Variants in HLCS observed in about 807,000 individuals in gnomAD.
HLCS encodes the protein biotin--protein ligase.
Under a neutral mutation model 75.0 loss-of-function variants are expected in HLCS, and 53 were observed. The ratio of observed to expected loss-of-function variants is 0.71; its 90% CI spans 0.57 to 0.89. The LOEUF (loss-of-function observed/expected upper bound fraction) is 0.89, where lower values mean the gene tolerates loss of function less well. Among genes scored for constraint, HLCS ranks in the 40% least tolerant of loss-of-function variants. The pLI, the probability that HLCS is intolerant of heterozygous loss-of-function variation, is 0.00. For missense variants in HLCS, 966 were observed against 1,074.0 expected (o/e 0.90, Z 1.41); for synonymous variants, 431 against 428.6 (o/e 1.01, Z -0.07).
chr21:36,782,222 TC>T (rs1414364722), intron 6 of HLCS, among the ~76,000 whole-genome samples: 1 of 152,166 alleles, frequency 6.6e-6, no homozygotes, highest in Non-Finnish European at 1.5e-5. Context: ...CCATCCTTTT[TC>T]CACTGAAGTA....
At chr21:36,864,599 G>C (rs1279633159) in intron 6 of HLCS, among the ~76,000 whole-genome samples, 4 of 152,104 alleles carry the variant, frequency 2.6e-5, no homozygotes, top group Non-Finnish European at 4.4e-5. Flanking sequence ...TAAGTGTTAA[G>C]TTTTCATATT....
chr21:36,887,062 A>G (rs1273881720), intron 6 of HLCS, among the ~76,000 whole-genome samples: 2 of 151,900 alleles, frequency 1.3e-5, no homozygotes, highest in African/African-American at 2.4e-5. Flanking sequence ...CCCCGGAGAC[A>G]GAGGTTGCAG....
chr21:36,957,119 A>T (rs2068006539), intron 2 of HLCS, among the ~76,000 whole-genome samples: 1 of 151,606 alleles, frequency 6.6e-6, no homozygotes, highest in Non-Finnish European at 1.5e-5. Flanking sequence ...GTCCCCTCCA[A>T]ATCTCACGTT....
Position 36,937,280 on chromosome 21 carries a change from C to T in HLCS, c.606G>A (p.Gln202=), listed in dbSNP as rs751290857. ...CTCTGCCAACATGCTCCATACCGTC[C>T]TGCTCAGGCTTAATCTCAAGAGAAG... ...PEPSLEIKPE[Q]DGMEHVGRDD... The change falls in exon 4 of 11, where the codon CAG becomes CAA. Residue 202 remains glutamine, a synonymous_variant. Coordinates refer to ENST00000674895, the MANE Select transcript of HLCS (RefSeq NM_001352514.2). 25 of 1,614,108 alleles carry T rather than the reference C, an allele frequency of 1.5e-5. No homozygotes were observed. Among genetic ancestry groups the T allele is most frequent in the Non-Finnish European group, 2.1e-5 (25 of 1,180,006 alleles).
intron 2 of HLCS, among the ~76,000 whole-genome samples, chr21:36,957,878 G>A (rs55769943): frequency 0.019 from 2,863 of 147,896 alleles, 41 homozygotes; most frequent in Non-Finnish European, 0.031. Context: ...GCAGTGAGCC[G>A]AGATCGCGCC....
At chr21:36,889,303 C>A (rs941978819) in intron 6 of HLCS, among the ~76,000 whole-genome samples, 1 of 152,194 alleles carries the variant, frequency 6.6e-6, no homozygotes, top group Non-Finnish European at 1.5e-5. Flanking sequence ...AGGAAATTGG[C>A]GTAAGCAAGT....
intron 9 of HLCS, 89 bp downstream of exon 9, chr21:36,759,638 C>T: frequency 1.3e-6 from 1 of 789,748 alleles, no homozygotes; most frequent in South Asian, 1.4e-5. Context: ...TGATAATCTG[C>T]TCCTGCCAAT....
At chr21:36,775,063 T>C (rs1410123363) in intron 6 of HLCS, among the ~76,000 whole-genome samples, 1 of 152,186 alleles carries the variant, frequency 6.6e-6, no homozygotes, top group Non-Finnish European at 1.5e-5. Flanking sequence ...ATCGGGACTG[T>C]TCAAAGAGCA....
chr21:36,855,077 GT>G (rs1009958094), intron 6 of HLCS, among the ~76,000 whole-genome samples: 28 of 149,148 alleles, frequency 1.9e-4, no homozygotes, highest in East Asian at 1.2e-3. Flanking sequence ...TCATATTCAT[GT>G]TTTTTTTTTG....
chr21:36,936,340 A>G, intron 4 of HLCS, 109 bp downstream of exon 4: 1 of 979,700 alleles, frequency 1.0e-6, no homozygotes, highest in South Asian at 1.3e-5. Context: ...AACAGCCCGC[A>G]GCACACGAAC....
At chr21:36,794,142 G>C (rs2060956526) in intron 6 of HLCS, among the ~76,000 whole-genome samples, 2 of 152,254 alleles carry the variant, frequency 1.3e-5, no homozygotes, top group East Asian at 3.8e-4. Flanking sequence ...TGAGGATACA[G>C]ATGATTCGGC....
At chr21:36,887,172 AT>A (rs750150024) in intron 6 of HLCS, among the ~76,000 whole-genome samples, 22 of 151,576 alleles carry the variant, frequency 1.5e-4, no homozygotes, top group Non-Finnish European at 2.6e-4. Flanking sequence ...CTAGAAGATA[AT>A]TTGACCAAGC....
chr21:36,858,087 C>T (rs1376376540), intron 6 of HLCS, among the ~76,000 whole-genome samples: 2 of 152,078 alleles, frequency 1.3e-5, no homozygotes, highest in Non-Finnish European at 2.9e-5. Context: ...TGCGCCTGGC[C>T]AGGATCTTGT....
intron 6 of HLCS, among the ~76,000 whole-genome samples, chr21:36,818,688 A>G (rs980528825): frequency 1.3e-5 from 2 of 152,350 alleles, no homozygotes; most frequent in South Asian, 4.1e-4. Context: ...AACAGACATG[A>G]AAGAGCACTT....
chr21:36,938,351 C>T (rs953924189), intron 3 of HLCS, among the ~76,000 whole-genome samples: 1 of 152,164 alleles, frequency 6.6e-6, no homozygotes, highest in African/African-American at 2.4e-5. Context: ...AAAATGTACC[C>T]TGCAGCCCCC....
rs552681918 is a variant in HLCS at position 36,750,481 on chromosome 21, C to A, written c.*3765G>T. Among the ~76,000 whole-genome samples the A allele has an allele frequency of 2.0e-4, 30 of 152,282 alleles. No homozygotes were observed. The highest frequency in any genetic ancestry group is 3.8e-4 in the Non-Finnish European group (26 of 68,024). ...GAGCCTGTATTTTCCGCCTCCCTTG[C>A]CCCCACTCCTTTTATCCTTTTAAAA... is the stretch of plus-strand genomic sequence containing the variant. On this transcript the variant is annotated 3_prime_UTR_variant, in exon 11 of 11. Coordinates refer to ENST00000674895, the MANE Select transcript of HLCS (RefSeq NM_001352514.2).
At chr21:36,988,652 G>A (rs530176421) in intron 1 of HLCS, among the ~76,000 whole-genome samples, 2 of 152,262 alleles carry the variant, frequency 1.3e-5, no homozygotes, top group South Asian at 2.1e-4. Context: ...CTAGGAGTTG[G>A]ACCATCTTGC....
chr21:36,894,578 C>T (rs965010088), intron 6 of HLCS, among the ~76,000 whole-genome samples: 3 of 152,254 alleles, frequency 2.0e-5, no homozygotes, highest in Admixed American at 1.3e-4. Flanking sequence ...CTGGGAACAG[C>T]GGATGCAGGG....
intron 2 of HLCS, among the ~76,000 whole-genome samples, chr21:36,939,277 A>G (rs569190051): frequency 6.6e-6 from 1 of 152,374 alleles, no homozygotes; most frequent in South Asian, 2.1e-4. Context: ...ATAAAGGGAC[A>G]TTCCCCAGAC....
Sources: gnomAD v4.1 joint callset for allele counts (sites outside exome capture counted in the v4.1 genomes callset) on GRCh38, gnomAD v4.1.1 for gene constraint, MANE v1.5 for transcripts, NCBI Gene and HGNC (gene_info 2026-07-23, HGNC 2026-07-21) for gene names.